Variants in SLC7A2 observed in about 807,000 individuals in gnomAD.
The protein encoded by SLC7A2 is cationic amino acid transporter 2.
A neutral mutation model predicts 58.9 loss-of-function variants in SLC7A2; 48 were observed. The ratio of observed to expected loss-of-function variants is 0.82; its 90% confidence interval spans 0.65 to 1.04. The LOEUF is 1.04. Among genes scored for constraint, SLC7A2 ranks in the 50% least tolerant of loss-of-function variants. The probability of loss-of-function intolerance (pLI) is 0.00; values close to 1 mark genes in which losing one functional copy is unlikely to be tolerated. For synonymous variants in SLC7A2, 363 were observed against 314.5 expected (o/e 1.15, Z -1.63); for missense variants, 1,029 against 818.8 (o/e 1.26, Z -3.13).
chr8:17,511,375 G>C (rs1020445418), intron 2 of SLC7A2: 3 of 152,186 alleles, frequency 2.0e-5, no homozygotes, highest in Non-Finnish European at 2.9e-5. Context: ...TAGGAAGAGG[G>C]AGGAGTTGTT....
chr8:17,496,899 G>T (rs900223221), upstream of SLC7A2, among the ~76,000 whole-genome samples: 1 of 151,790 alleles, frequency 6.6e-6, no homozygotes, highest in Non-Finnish European at 1.5e-5. Flanking sequence ...CGTGTGCTCG[G>T]CTCCAGGCAA....
At position 17,566,416 on chromosome 8, in the gene SLC7A2, A is replaced by T. The variant is rs576767111; in HGVS notation, c.*1270A>T. ...GGGCTTTGGATCTAATTTGCCTCTG[A>T]TGTTTCCTTTGGAAACATTTAGGAA... On this transcript the variant is annotated 3_prime_UTR_variant, in exon 13 of 13. Transcript: ENST00000494857. 9 of 152,216 alleles carry T rather than the reference A, an allele frequency of 5.9e-5. No individual in the cohort carries two copies. In the East Asian group the frequency reaches 1.7e-3, roughly 29 times the overall value. 9.4% of individuals were successfully genotyped at this position (152,216 alleles called of 1,614,324 possible). A position where few individuals can be genotyped will look rare whatever the true frequency, so the allele number is the denominator to read the frequency against.
At chr8:17,545,825 C>G (rs966088429) in intron 4 of SLC7A2, among the ~76,000 whole-genome samples, 1 of 152,166 alleles carries the variant, frequency 6.6e-6, no homozygotes, top group Non-Finnish European at 1.5e-5. Context: ...CTGCCTCATG[C>G]TTTCTTGTCC....
intron 2 of SLC7A2, among the ~76,000 whole-genome samples, chr8:17,523,351 C>G (rs966088823): frequency 6.6e-5 from 10 of 152,116 alleles, no homozygotes; most frequent in Admixed American, 1.3e-4. Flanking sequence ...ATCATATTAC[C>G]TGATTTCAAA....
At position 17,566,068 on chromosome 8, in the gene SLC7A2, T is replaced by C. The variant is rs1803251221; in HGVS notation, c.*922T>C. The stretch of plus-strand genomic sequence containing the variant: ...TTTGAAGATCAAAGAGTTAGACCAA[T>C]GCTTGAATAAGTAGACCCCAAGCAT... On this transcript the variant is annotated 3_prime_UTR_variant, in exon 13 of 13. Transcript: ENST00000494857. 1 of 152,242 alleles carries C rather than the reference T, an allele frequency of 6.6e-6. No individual in the cohort carries two copies. Among genetic ancestry groups the C allele is most frequent in the Admixed American group, 6.5e-5 (1 of 15,284 alleles). The allele number at this position is 152,242 out of a possible 1,614,324, so 9.4% of individuals were successfully genotyped here.
chr8:17,515,365 G>A (rs1284202077), intron 2 of SLC7A2, among the ~76,000 whole-genome samples: 5 of 150,374 alleles, frequency 3.3e-5, no homozygotes, highest in Admixed American at 6.6e-5. Context: ...TCGCAATCTC[G>A]GCTCACTGCA....
At chr8:17,561,300 C>T (rs1228866400) in intron 10 of SLC7A2, among the ~76,000 whole-genome samples, 1 of 152,104 alleles carries the variant, frequency 6.6e-6, no homozygotes, top group African/African-American at 2.4e-5. Context: ...AGGGAGGCCT[C>T]ACAGTCATGG....
At chr8:17,513,681 A>G (rs567976166) in intron 2 of SLC7A2, among the ~76,000 whole-genome samples, 1 of 152,220 alleles carries the variant, frequency 6.6e-6, no homozygotes, top group Non-Finnish European at 1.5e-5. Flanking sequence ...CATTTTTACA[A>G]GACATCATTT....
chr8:17,514,899 AT>A (rs1417256785), intron 2 of SLC7A2, among the ~76,000 whole-genome samples: 1 of 152,100 alleles, frequency 6.6e-6, no homozygotes, highest in African/African-American at 2.4e-5. Context: ...TATTTCTGGT[AT>A]TTGATACTGT....
chr8:17,533,661 C>T (rs376778020), intron 2 of SLC7A2, among the ~76,000 whole-genome samples: 1 of 152,214 alleles, frequency 6.6e-6, no homozygotes, highest in South Asian at 2.1e-4. Flanking sequence ...CTTTCTTATA[C>T]TCCACTACCC....
chr8:17,531,742 A>C (rs1013456555), intron 2 of SLC7A2, among the ~76,000 whole-genome samples: 2 of 151,910 alleles, frequency 1.3e-5, no homozygotes. Flanking sequence ...TTTTCTACTT[A>C]TCAGGGAAAT....
chr8:17,554,892 C>T, intron 8 of SLC7A2, 193 bp downstream of exon 8: 1 of 1,597,184 alleles, frequency 6.3e-7, no homozygotes, highest in South Asian at 1.1e-5. Flanking sequence ...CTATACCTGT[C>T]TAGAATAATC....
intron 12 of SLC7A2, among the ~76,000 whole-genome samples, chr8:17,564,696 G>A (rs1471788300): frequency 6.6e-6 from 1 of 152,138 alleles, no homozygotes; most frequent in East Asian, 1.9e-4. Context: ...GCAGAGCTCA[G>A]GTGGTAATGT....
At chr8:17,502,914 A>G (rs1249515902) in intron 2 of SLC7A2, among the ~76,000 whole-genome samples, 1 of 151,954 alleles carries the variant, frequency 6.6e-6, no homozygotes, top group Non-Finnish European at 1.5e-5. Flanking sequence ...CATGTTCATT[A>G]TATTATTATT....
At chr8:17,553,900 C>T (rs1003718475) in intron 7 of SLC7A2, among the ~76,000 whole-genome samples, 8 of 152,154 alleles carry the variant, frequency 5.3e-5, no homozygotes, top group African/African-American at 1.7e-4. Flanking sequence ...AAAGTACTTC[C>T]GAACATCTCA....
chr8:17,502,066 T>TTA (rs926454105), intron 1 of SLC7A2, among the ~76,000 whole-genome samples, 191 bp from the exon 2 acceptor site: 35 of 150,786 alleles, frequency 2.3e-4, no homozygotes, highest in African/African-American at 3.4e-4. Flanking sequence ...CGTCCTACAA[T>TTA]TATATATATA....
At chr8:17,545,547 G>C (rs748926329) in intron 4 of SLC7A2, among the ~76,000 whole-genome samples, 1 of 151,294 alleles carries the variant, frequency 6.6e-6, no homozygotes, top group Admixed American at 6.6e-5. Flanking sequence ...ACAGGTGCGC[G>C]CCACCGCACC....
At chr8:17,495,805 G>T (rs528829042), upstream of SLC7A2, among the ~76,000 whole-genome samples, 1 of 152,240 alleles carries the variant, frequency 6.6e-6, no homozygotes, top group Admixed American at 6.5e-5. Flanking sequence ...GCGCCTCGGC[G>T]TCCCAAAGTG....
chr8:17,505,630 G>C (rs991518318), intron 2 of SLC7A2, among the ~76,000 whole-genome samples: 24 of 152,210 alleles, frequency 1.6e-4, no homozygotes, highest in Middle Eastern at 3.4e-3. Context: ...TTGAGTTTTG[G>C]CTGAGATAAT....
Sources: gnomAD v4.1 joint callset for allele counts (sites outside exome capture counted in the v4.1 genomes callset) on GRCh38, gnomAD v4.1.1 for gene constraint, MANE v1.5 for transcripts, NCBI Gene and HGNC (gene_info 2026-07-23, HGNC 2026-07-21) for gene names.